The following GRID2 variants were observed in gnomAD, a reference collection of about 807,000 sequenced individuals.
The protein encoded by GRID2 is glutamate receptor ionotropic, delta-2.
A neutral mutation model predicts 114.8 loss-of-function variants in GRID2; 33 were observed. The ratio of observed to expected loss-of-function variants is 0.29; its 90% confidence interval spans 0.22 to 0.38. GRID2 has a LOEUF of 0.38. GRID2 is among the 10% of genes least tolerant of loss of function. The pLI is 1.00. For synonymous variants in GRID2, 505 were observed against 449.9 expected (o/e 1.12, Z -1.55); for missense variants, 1,184 against 1,257.7 (o/e 0.94, Z 0.89).
intron 2 of GRID2, among the ~76,000 whole-genome samples, chr4:92,903,779 G>T (rs1213234635): frequency 2.6e-5 from 4 of 151,912 alleles, no homozygotes; most frequent in Non-Finnish European, 4.4e-5. Flanking sequence ...ACAGAAACAA[G>T]TAGTTGCCAG....
intron 2 of GRID2, among the ~76,000 whole-genome samples, chr4:92,666,538 T>G (rs1015303171): frequency 6.6e-6 from 1 of 151,478 alleles, no homozygotes; most frequent in African/African-American, 2.4e-5. Context: ...GAACTCATAT[T>G]TCACTCCTTC....
intron 2 of GRID2, among the ~76,000 whole-genome samples, chr4:92,849,570 A>T (rs1434636802): frequency 1.3e-5 from 2 of 151,914 alleles, no homozygotes; most frequent in African/African-American, 4.8e-5. Context: ...TAGTTACCTC[A>T]CATTGTCAGC....
intron 11 of GRID2, among the ~76,000 whole-genome samples, chr4:93,466,926 T>C (rs1218919963): frequency 6.6e-6 from 1 of 152,228 alleles, no homozygotes; most frequent in Non-Finnish European, 1.5e-5. Flanking sequence ...TTAACAGAAT[T>C]ACTGAACTCT....
chr4:92,516,218 A>G (rs1400146428), intron 1 of GRID2, among the ~76,000 whole-genome samples: 2 of 152,002 alleles, frequency 1.3e-5, no homozygotes, highest in Non-Finnish European at 2.9e-5. Flanking sequence ...GTTAAACTTT[A>G]TTTGATGGTA....
At chr4:92,644,071 A>T (rs1731493461) in intron 2 of GRID2, among the ~76,000 whole-genome samples, 2 of 151,652 alleles carry the variant, frequency 1.3e-5, no homozygotes, top group Middle Eastern at 3.4e-3. Flanking sequence ...GATCTGACTG[A>T]CATGATTAAA....
At chr4:93,764,859 T>C (rs140833680) in intron 14 of GRID2, among the ~76,000 whole-genome samples, 28 of 152,274 alleles carry the variant, frequency 1.8e-4, no homozygotes, top group Admixed American at 1.2e-3. Flanking sequence ...CAGAACATTA[T>C]TGTTCCATAA....
intron 2 of GRID2, among the ~76,000 whole-genome samples, chr4:92,866,764 G>T (rs1217055501): frequency 6.6e-6 from 1 of 151,872 alleles, no homozygotes; most frequent in African/African-American, 2.4e-5. Flanking sequence ...TGTTAGCCAG[G>T]ATGGTCTCGA....
intron 8 of GRID2, among the ~76,000 whole-genome samples, chr4:93,278,267 T>TAA (rs34349130): frequency 7.8e-4 from 116 of 148,346 alleles, no homozygotes; most frequent in Middle Eastern, 3.4e-3. Flanking sequence ...ATTTTGACTT[T>TAA]AAAAAAAAAA....
At chr4:93,752,784 C>T (rs1365306237) in intron 14 of GRID2, among the ~76,000 whole-genome samples, 4 of 152,212 alleles carry the variant, frequency 2.6e-5, no homozygotes, top group African/African-American at 4.8e-5. Flanking sequence ...CATTCTTTGA[C>T]TTCTCTTTGG....
intron 14 of GRID2, among the ~76,000 whole-genome samples, chr4:93,724,251 C>A (rs572251732): frequency 1.2e-3 from 190 of 152,222 alleles, no homozygotes; most frequent in African/African-American, 4.5e-3. Context: ...AATGTTCAAG[C>A]GCATGCGGGA....
intron 14 of GRID2, among the ~76,000 whole-genome samples, chr4:93,733,883 G>T (rs577931561): frequency 6.6e-6 from 1 of 152,018 alleles, no homozygotes; most frequent in African/African-American, 2.4e-5. Flanking sequence ...AATGCCCCAG[G>T]CCACAGAGCA....
At chr4:93,750,421 A>C (rs954704380) in intron 14 of GRID2, among the ~76,000 whole-genome samples, 1 of 152,216 alleles carries the variant, frequency 6.6e-6, no homozygotes, top group Non-Finnish European at 1.5e-5. Context: ...ATGATCACCC[A>C]GTAGGAAATC....
At chr4:93,354,979 C>A (rs533557235) in intron 8 of GRID2, among the ~76,000 whole-genome samples, 1 of 150,904 alleles carries the variant, frequency 6.6e-6, no homozygotes, top group Non-Finnish European at 1.5e-5. Context: ...CAACTTATTT[C>A]TTCTAGATAT....
chr4:92,826,797 C>T (rs1741736168), intron 2 of GRID2, among the ~76,000 whole-genome samples: 1 of 152,080 alleles, frequency 6.6e-6, no homozygotes, highest in Non-Finnish European at 1.5e-5. Context: ...AGTATTACAA[C>T]ATGAGTTTTT....
intron 14 of GRID2, among the ~76,000 whole-genome samples, chr4:93,741,184 T>TATATATATATATATAC (rs1731365250): frequency 6.0e-5 from 2 of 33,376 alleles, no homozygotes; most frequent in African/African-American, 9.6e-5. Flanking sequence ...CATATATATA[T>TATATATATATATATAC]ATATATATAT....
At chr4:92,595,716 A>T (rs1728916794) in intron 2 of GRID2, among the ~76,000 whole-genome samples, 1 of 152,136 alleles carries the variant, frequency 6.6e-6, no homozygotes, top group African/African-American at 2.4e-5. Flanking sequence ...TTATAGTTAT[A>T]AAAATACATA....
At chr4:93,594,208 A>G (rs910664084) in intron 13 of GRID2, among the ~76,000 whole-genome samples, 6 of 57,336 alleles carry the variant, frequency 1.0e-4, no homozygotes, top group Non-Finnish European at 2.4e-4. Context: ...GGTCTTTGGT[A>G]TGGTGATGTA....
At chr4:92,589,126 C>A (rs116049941) in intron 1 of GRID2, among the ~76,000 whole-genome samples, 6,623 of 152,060 alleles carry the variant, frequency 0.044, 170 homozygotes, top group Middle Eastern at 0.088. Context: ...AACCAACCAA[C>A]CAAACAAAAA....
chr4:92,520,013 C>G (rs1724687527), intron 1 of GRID2, among the ~76,000 whole-genome samples: 1 of 151,842 alleles, frequency 6.6e-6, no homozygotes, highest in African/African-American at 2.4e-5. Flanking sequence ...AACCAAGTAT[C>G]TAGGCACTCC....
Sources: allele counts gnomAD v4.1 joint callset (sites outside exome capture counted in the v4.1 genomes callset), GRCh38; gene constraint gnomAD v4.1.1; transcripts MANE v1.5; gene names NCBI Gene and HGNC (gene_info 2026-07-23, HGNC 2026-07-21).